EYA3: variants seen among roughly 807,000 people sequenced by gnomAD.
EYA3 encodes protein phosphatase EYA3.
In EYA3, 39 loss-of-function variants were observed where a neutral mutation model predicts 80.0. The observed-to-expected ratio is 0.49, with a 90% CI of 0.38 to 0.64. The LOEUF (loss-of-function observed/expected upper bound fraction) is 0.64. Among genes scored for constraint, EYA3 ranks in the 30% least tolerant of loss-of-function variants. The probability of loss-of-function intolerance (pLI) is 0.00; values close to 1 mark genes in which losing one functional copy is unlikely to be tolerated. For missense variants in EYA3, 523 were observed against 676.1 expected, an observed-to-expected ratio of 0.77 and a Z score of 2.51; for synonymous variants, 206 against 232.8, an observed-to-expected ratio of 0.88 and a Z score of 1.05.
At chr1:28,002,400 G>A (rs1345534109) in intron 11 of EYA3, among the ~76,000 whole-genome samples, 4 of 151,178 alleles carry the variant, frequency 2.6e-5, no homozygotes, top group African/African-American at 9.7e-5. Flanking sequence ...GAGCCACCAC[G>A]CCTGGTCTTA....
intron 2 of EYA3, among the ~76,000 whole-genome samples, chr1:28,052,361 T>A (rs1644282146): frequency 6.6e-6 from 1 of 152,174 alleles, no homozygotes; most frequent in Non-Finnish European, 1.5e-5. Flanking sequence ...CGTGTGGTAC[T>A]GGCATAAGGA....
intron 7 of EYA3, among the ~76,000 whole-genome samples, chr1:28,017,902 T>C (rs1351033550): frequency 4.6e-5 from 7 of 152,106 alleles, no homozygotes; most frequent in Admixed American, 4.6e-4. Flanking sequence ...TGGGCTGTCT[T>C]AAGTAATTTG....
intron 13 of EYA3, among the ~76,000 whole-genome samples, chr1:27,994,988 C>T (rs1335470021): frequency 2.0e-5 from 3 of 150,366 alleles, no homozygotes; most frequent in African/African-American, 7.3e-5. Flanking sequence ...AAAGGAACCA[C>T]TTCTGTACAC....
chr1:28,061,790 G>A (rs868786586), intron 1 of EYA3, among the ~76,000 whole-genome samples: 3 of 151,986 alleles, frequency 2.0e-5, no homozygotes, highest in African/African-American at 7.2e-5. Context: ...TAGTAGAGAC[G>A]CGGTTTCACC....
At chr1:27,977,056 A>G in intron 17 of EYA3, 1 of 985,364 alleles carries the variant, frequency 1.0e-6, no homozygotes, top group Non-Finnish European at 1.2e-6. Context: ...TAAAGACATT[A>G]GCTCAGAGTT....
rs537752402 is a variant in EYA3 at position 28,081,032 on chromosome 1, C to T, written c.-69+7492G>A. Among the ~76,000 whole-genome samples, 6 of 152,210 alleles carry T rather than the reference C, an allele frequency of 3.9e-5. No homozygotes were observed. In the East Asian group the frequency reaches 9.6e-4, roughly 24 times the overall value. ...TCGGCCTCCCAAAGTGCTGGGATTACAGGCATGAGCCACTGCGCCCGGCCG... is the reference window on the plus strand; with the variant it reads ...TCGGCCTCCCAAAGTGCTGGGATTATAGGCATGAGCCACTGCGCCCGGCCG... On this transcript the variant is annotated intron_variant, in intron 1 of 17. Transcript: ENST00000373871.
intron 1 of EYA3, among the ~76,000 whole-genome samples, chr1:28,082,145 AT>A (rs1381912953): frequency 6.6e-6 from 1 of 152,094 alleles, no homozygotes; most frequent in Non-Finnish European, 1.5e-5. Context: ...TAATGTCTCA[AT>A]TAATAAGAGT....
intron 1 of EYA3, among the ~76,000 whole-genome samples, chr1:28,070,158 GT>G (rs949387213): frequency 6.6e-6 from 1 of 152,130 alleles, no homozygotes; most frequent in African/African-American, 2.4e-5. Flanking sequence ...CAAAGTTTAT[GT>G]TTTTTGTTTG....
intron 1 of EYA3, among the ~76,000 whole-genome samples, chr1:28,071,076 C>A (rs1645005319): frequency 6.6e-6 from 1 of 152,156 alleles, no homozygotes; most frequent in South Asian, 2.1e-4. Flanking sequence ...GCGCCTACCA[C>A]CACGCCCAGA....
rs1165727113 is a variant in EYA3, at chr1:28,044,226, T to C, written c.78-1576A>G. ...TTATGTCCCATTATAGCACAGTGGTTAGGAGTGTTGATTCTAGAGTCAGAG... is the reference window on the plus strand; with the variant it reads ...TTATGTCCCATTATAGCACAGTGGTCAGGAGTGTTGATTCTAGAGTCAGAG... On this transcript the variant is annotated intron_variant, in intron 3 of 17. Transcript: ENST00000373871. 7.2e-5 allele frequency among the ~76,000 whole-genome samples: 11 copies of C among 152,324 alleles called. No homozygotes were observed. In the South Asian group the frequency reaches 1.4e-3, roughly 20 times the overall value.
At chr1:27,996,190 T>C (rs1202532634) in intron 13 of EYA3, among the ~76,000 whole-genome samples, 1 of 152,208 alleles carries the variant, frequency 6.6e-6, no homozygotes, top group African/African-American at 2.4e-5. Context: ...TGTTTTAAGG[T>C]ACTAAACTCT....
intron 8 of EYA3, among the ~76,000 whole-genome samples, chr1:28,016,605 T>A (rs1642088978): frequency 6.8e-6 from 1 of 147,962 alleles, no homozygotes; most frequent in South Asian, 2.1e-4. Context: ...CAGGAAAAGA[T>A]CCAAGGAGAC....
At chr1:27,998,286 G>A in intron 12 of EYA3, 1 of 983,774 alleles carries the variant, frequency 1.0e-6, no homozygotes, top group Non-Finnish European at 1.2e-6. Flanking sequence ...GCACTGACCT[G>A]GGGGGCAGGA....
intron 11 of EYA3, among the ~76,000 whole-genome samples, chr1:28,000,945 G>A (rs1043600911): frequency 1.3e-5 from 2 of 152,060 alleles, no homozygotes; most frequent in Non-Finnish European, 2.9e-5. Context: ...CACACCTGCA[G>A]TCCCAGGTAC....
rs970297435 is a variant in EYA3, at chr1:28,009,739, A to T, written c.909+1208T>A. The stretch of plus-strand genomic sequence containing the variant: ...TTTTCTGTGATTCCACTTATATGAG[A>T]TATCTAGAATAAGAAGTCAAAGACA... On this transcript the variant is annotated intron_variant, in intron 10 of 17. Transcript: ENST00000373871. The surrounding 1 kb of genome is among the most constrained non-coding windows in gnomAD (Gnocchi z 4.8). Among the ~76,000 whole-genome samples the T allele has an allele frequency of 6.6e-6, 1 of 152,218 alleles. No homozygotes were observed. Among genetic ancestry groups the T allele is most frequent in the Non-Finnish European group, 1.5e-5 (1 of 68,046 alleles).
chr1:27,978,542 G>T, intron 16 of EYA3, 68 bp from the exon 17 acceptor site: 1 of 1,343,034 alleles, frequency 7.4e-7, no homozygotes. Context: ...GAAGAGGGCT[G>T]CTGCTAGGTT....
chr1:27,974,349 G>A lies in EYA3; in HGVS notation c.*117C>T. On this transcript the variant is annotated 3_prime_UTR_variant, in exon 18 of 18. Transcript: ENST00000373871. ...AGAGAGAGAAAGAGAGAAAGAGAGAGAGATAGAGACAGAGACACAGAGAGA... is the reference window on the plus strand; with the variant it reads ...AGAGAGAGAAAGAGAGAAAGAGAGAAAGATAGAGACAGAGACACAGAGAGA... 1.6e-6 allele frequency: 1 copy of A among 640,944 alleles called. No homozygotes were observed. Among genetic ancestry groups the A allele is most frequent in the Non-Finnish European group, 2.7e-6 (1 of 370,784 alleles). 39.7% of individuals were successfully genotyped at this position (640,944 alleles called of 1,614,324 possible).
chr1:28,035,684 G>A lies in EYA3; in HGVS notation c.225-4C>T, dbSNP rs769887080. On this transcript the variant is annotated splice_polypyrimidine_tract_variant and splice_region_variant and intron_variant, in intron 5 of 17. Transcript: ENST00000373871. ...TGAGAGAATATGTGCATAAGGTCTG[G>A]AAAATTTCATGAAAACAAAAACTTT... is the stretch of plus-strand genomic sequence containing the variant. 6.2e-7 allele frequency: 1 copy of A among 1,606,282 alleles called. No individual in the cohort carries two copies. Among genetic ancestry groups the A allele is most frequent in the South Asian group, 1.1e-5 (1 of 88,950 alleles).
At chr1:28,085,000 G>A (rs377663831) in intron 1 of EYA3, among the ~76,000 whole-genome samples, 4 of 151,848 alleles carry the variant, frequency 2.6e-5, no homozygotes, top group Non-Finnish European at 5.9e-5. Context: ...TGGACAAACC[G>A]CTACCTAAAA....
Sources: allele counts gnomAD v4.1 joint callset (sites outside exome capture counted in the v4.1 genomes callset), GRCh38; gene constraint gnomAD v4.1.1; non-coding constraint Gnocchi (gnomAD v3.1); transcripts MANE v1.5; gene names NCBI Gene and HGNC (gene_info 2026-07-23, HGNC 2026-07-21).